The following R3HDM1 variants were observed in gnomAD, a reference collection of about 807,000 sequenced individuals.
R3HDM1 encodes the protein R3H domain containing 1.
Under a neutral mutation model 141.1 loss-of-function variants are expected in R3HDM1, and 46 were observed. That is an observed-to-expected ratio of 0.33 (90% CI 0.26 to 0.42). The LOEUF is 0.42. Among genes scored for constraint, R3HDM1 ranks in the 10% least tolerant of loss-of-function variants. R3HDM1 has a pLI of 1.00. For missense variants in R3HDM1, 1,184 were observed against 1,368.3 expected (o/e 0.87, Z 2.12); for synonymous variants, 435 against 472.9 (o/e 0.92, Z 1.04).
At chr2:135,655,291 A>T (rs1284339363) in intron 18 of R3HDM1, among the ~76,000 whole-genome samples, 2 of 152,094 alleles carry the variant, frequency 1.3e-5, no homozygotes, top group African/African-American at 4.8e-5. Context: ...TTTCCCCATT[A>T]AATAACCTTG....
At chr2:135,604,106 T>C (rs748956756) in intron 2 of R3HDM1, among the ~76,000 whole-genome samples, 39 of 152,374 alleles carry the variant, frequency 2.6e-4, no homozygotes, top group Admixed American at 9.1e-4. Context: ...TGTTTGGCAT[T>C]GAATCACTTA....
chr2:135,630,056 T>TAA (rs766956798), intron 7 of R3HDM1, among the ~76,000 whole-genome samples: 2 of 133,874 alleles, frequency 1.5e-5, no homozygotes, highest in Non-Finnish European at 1.6e-5. Context: ...AAGGATGATT[T>TAA]AAAAAAAAAA....
At chr2:135,536,223 T>G (rs576230708) in intron 1 of R3HDM1, among the ~76,000 whole-genome samples, 73 of 152,302 alleles carry the variant, frequency 4.8e-4, no homozygotes, top group African/African-American at 1.7e-3. Context: ...CACCACAGCC[T>G]TGAACTCTGA....
At chr2:135,606,861 A>G (rs2060115424) in intron 3 of R3HDM1, among the ~76,000 whole-genome samples, 2 of 151,132 alleles carry the variant, frequency 1.3e-5, no homozygotes, top group African/African-American at 2.4e-5. Context: ...ATCATTCTAT[A>G]TGCTAAAGAC....
chr2:135,619,705 T>C (rs953255226), intron 5 of R3HDM1: 2 of 958,374 alleles, frequency 2.1e-6, no homozygotes, highest in Non-Finnish European at 2.5e-6. Context: ...ATCTAATCCT[T>C]GATGGTAGAC....
In R3HDM1 at chr2:135,622,717, TA is replaced by T; in HGVS notation, c.488del (p.Asn163ThrfsTer7). 6.3e-7 allele frequency: 1 copy of T among 1,587,800 alleles called. No homozygotes were observed. Among genetic ancestry groups the T allele is most frequent in the Non-Finnish European group, 8.6e-7 (1 of 1,162,292 alleles). On this transcript the variant is annotated frameshift_variant, in exon 7 of 27. Transcript: ENST00000683871. LOFTEE classifies it high-confidence loss of function. Reference sequence around the variant, plus strand: ...CTACATGAATTTTTAGTAAATACATTAAAAAACAATCCCAGGTAAAAATTAA... The same window carrying T: ...CTACATGAATTTTTAGTAAATACATTAAAAACAATCCCAGGTAAAAATTAA... ...IDLHEFLVNT[L>X]KNNPRDRMML...
At chr2:135,648,547 A>G (rs762567461) in intron 16 of R3HDM1, among the ~76,000 whole-genome samples, 1 of 152,190 alleles carries the variant, frequency 6.6e-6, no homozygotes, top group Non-Finnish European at 1.5e-5. Flanking sequence ...GTTTTCATCA[A>G]GTGAGATTCC....
At chr2:135,692,591 C>CA (rs574533314) in intron 21 of R3HDM1, among the ~76,000 whole-genome samples, 2 of 151,062 alleles carry the variant, frequency 1.3e-5, no homozygotes, top group Non-Finnish European at 3.0e-5. Flanking sequence ...GACTCGGTCT[C>CA]AAAAAAAATA....
chr2:135,709,886 GT>G (rs1158649596), intron 22 of R3HDM1, among the ~76,000 whole-genome samples, 172 bp from the exon 23 acceptor site: 1 of 152,168 alleles, frequency 6.6e-6, no homozygotes, highest in Non-Finnish European at 1.5e-5. Context: ...CTTAATGCCT[GT>G]TTAAACACAC....
At position 135,604,949 on chromosome 2, in the gene R3HDM1, C is replaced by T; in HGVS notation, c.104C>T (p.Ser35Leu). 6.2e-7 allele frequency: 1 copy of T among 1,612,318 alleles called. No homozygotes were observed. Among genetic ancestry groups the T allele is most frequent in the Non-Finnish European group, 8.5e-7 (1 of 1,178,784 alleles). ...DTTRVENLIK[S>L]ENYGKILVEK... ...ACCAGAGTTGAAAATCTTATCAAAT[C>T]AGAAAACTATGGGAAGATTTTGGTA... Residue 35 changes from serine (S) to leucine (L), a missense_variant, in exon 3 of 27, where the codon TCA (serine) becomes TTA (leucine). Physicochemically the swap from Ser to Leu is moderately radical, Grantham distance 145 (BLOSUM62 -2). Transcript: ENST00000683871.
At chr2:135,596,216 T>TCA (rs2059170215) in intron 1 of R3HDM1, among the ~76,000 whole-genome samples, 1 of 152,192 alleles carries the variant, frequency 6.6e-6, no homozygotes, top group African/African-American at 2.4e-5. Flanking sequence ...CAGGCTGGTC[T>TCA]CAAACTCCTG....
intron 1 of R3HDM1, among the ~76,000 whole-genome samples, chr2:135,564,021 A>G (rs1702272894): frequency 6.6e-6 from 1 of 152,300 alleles, no homozygotes; most frequent in Non-Finnish European, 1.5e-5. Flanking sequence ...CTATGATCTC[A>G]GAGCAAAAAC....
chr2:135,630,300 A>AAAAAC, intron 7 of R3HDM1, among the ~76,000 whole-genome samples: 1 of 145,662 alleles, frequency 6.9e-6, no homozygotes, highest in African/African-American at 2.7e-5. Context: ...AAAAAAAAAA[A>AAAAAC]AAAAAAAACA....
In R3HDM1 at chr2:135,657,463, A is replaced by G. The variant is rs112499543; in HGVS notation, c.2029-3807A>G. 1.4e-3 allele frequency among the ~76,000 whole-genome samples: 206 copies of G among 152,072 alleles called. 2 individuals carry two copies. Among genetic ancestry groups the G allele is most frequent in the African/African-American group, 4.3e-3 (180 of 41,488 alleles). ...TAATTAAAGGAAAATACCTAAACTCAGGATTTAGATTACTTTCTGATACCT... is the reference window on the plus strand; with the variant it reads ...TAATTAAAGGAAAATACCTAAACTCGGGATTTAGATTACTTTCTGATACCT... On this transcript the variant is annotated intron_variant, in intron 18 of 26. Transcript: ENST00000683871.
chr2:135,560,314 C>G lies in R3HDM1; in HGVS notation c.-250+28681C>G, dbSNP rs543396048. Among the ~76,000 whole-genome samples the G allele has an allele frequency of 1.7e-3, 259 of 152,170 alleles. 2 individuals are homozygous for G. Among genetic ancestry groups the G allele is most frequent in the African/African-American group, 6.1e-3 (254 of 41,524 alleles). Reference sequence around the variant, plus strand: ...CAAACATGAAGCATTTTTACTTTACCACAATCTATGATATTTTGACACATT... The same window carrying G: ...CAAACATGAAGCATTTTTACTTTACGACAATCTATGATATTTTGACACATT... On this transcript the variant is annotated intron_variant, in intron 1 of 26. Coordinates refer to ENST00000683871, the MANE Select transcript of R3HDM1 (RefSeq NM_001378107.1).
intron 1 of R3HDM1, among the ~76,000 whole-genome samples, chr2:135,551,541 C>A (rs1448010359): frequency 6.6e-6 from 1 of 151,790 alleles, no homozygotes; most frequent in Non-Finnish European, 1.5e-5. Context: ...TTGACTATGC[C>A]AAGTAATTAA....
intron 1 of R3HDM1, among the ~76,000 whole-genome samples, chr2:135,557,407 C>T (rs762998884): frequency 6.6e-5 from 10 of 152,124 alleles, no homozygotes; most frequent in Non-Finnish European, 8.8e-5. Context: ...TGATACAAAT[C>T]CAAAGCATAC....
intron 1 of R3HDM1, among the ~76,000 whole-genome samples, chr2:135,536,180 C>A: frequency 6.6e-6 from 1 of 152,102 alleles, no homozygotes; most frequent in Non-Finnish European, 1.5e-5. Flanking sequence ...CACCCTGTCA[C>A]CCAGACTGGA....
chr2:135,594,978 C>T (rs1710260810), intron 1 of R3HDM1, among the ~76,000 whole-genome samples: 1 of 83,668 alleles, frequency 1.2e-5, no homozygotes, highest in Non-Finnish European at 2.0e-5. Flanking sequence ...GGATTCTACA[C>T]CCCCCCCCCT....
Sources: allele counts gnomAD v4.1 joint callset (sites outside exome capture counted in the v4.1 genomes callset), GRCh38; gene constraint gnomAD v4.1.1; transcripts MANE v1.5; gene names NCBI Gene and HGNC (gene_info 2026-07-23, HGNC 2026-07-21).